Variants in PANK2 observed in about 807,000 individuals in gnomAD.
The protein encoded by PANK2 is pantothenate kinase 2, mitochondrial.
PANK2 carries 36 observed loss-of-function variants against 43.1 expected under a neutral mutation model. That is an observed-to-expected ratio of 0.84 (90% CI 0.64 to 1.10). The LOEUF is 1.10. Ranked by LOEUF, PANK2 falls within the 50% of genes least tolerant of loss-of-function variation. PANK2 has a pLI of 0.00. For synonymous variants in PANK2, 281 were observed against 238.2 expected, an observed-to-expected ratio of 1.18 and a Z score of -1.66; for missense variants, 576 against 593.3, an observed-to-expected ratio of 0.97 and a Z score of 0.30.
chr20:3,915,235 GTTTAT>G (rs141556314), intron 4 of PANK2, among the ~76,000 whole-genome samples: 78,270 of 151,318 alleles, frequency 0.52, 20,694 homozygotes, highest in East Asian at 0.66. Context: ...ATGAAGAATT[GTTTAT>G]TTTCTTTTAA....
At chr20:3,917,566 G>T (rs1386707318) in intron 5 of PANK2, 1 of 524,188 alleles carries the variant, frequency 1.9e-6, no homozygotes, top group Non-Finnish European at 4.0e-6. Context: ...GGCTATGAAA[G>T]AACCAAGAAT....
chr20:3,901,656 G>C, intron 1 of PANK2: 1 of 936,216 alleles, frequency 1.1e-6, no homozygotes, highest in Non-Finnish European at 1.3e-6. Flanking sequence ...TTTTGTAAAA[G>C]TCAGTACTTT....
chr20:3,890,565 A>G (rs1485477772), intron 1 of PANK2, among the ~76,000 whole-genome samples: 1 of 152,200 alleles, frequency 6.6e-6, no homozygotes, highest in Non-Finnish European at 1.5e-5. Flanking sequence ...TGATACTGTA[A>G]TATGAGCTTT....
At chr20:3,891,602 T>G (rs925627083) in intron 1 of PANK2, among the ~76,000 whole-genome samples, 1 of 152,226 alleles carries the variant, frequency 6.6e-6, no homozygotes, top group Non-Finnish European at 1.5e-5. Flanking sequence ...AGACCAAGCA[T>G]AAGTTTGATC....
At chr20:3,920,920 T>C (rs2090636635) in intron 6 of PANK2, among the ~76,000 whole-genome samples, 1 of 152,252 alleles carries the variant, frequency 6.6e-6, no homozygotes, top group African/African-American at 2.4e-5. Flanking sequence ...GGTTGCATTT[T>C]GTCCTTATTG....
At chr20:3,889,970 C>T (rs2090092611) in intron 1 of PANK2, 4 of 1,495,062 alleles carry the variant, frequency 2.7e-6, no homozygotes, top group Non-Finnish European at 3.6e-6. Flanking sequence ...AGGGCTTTTC[C>T]CCAGGACCTG....
chr20:3,889,752 C>G, intron 1 of PANK2, 24 bp downstream of exon 1: 5 of 1,550,820 alleles, frequency 3.2e-6, no homozygotes, highest in Non-Finnish European at 4.4e-6. Flanking sequence ...GGGGCGCCCT[C>G]CCGGCCCGCC....
chr20:3,889,947 C>G (rs1441528636), intron 1 of PANK2: 3 of 1,526,166 alleles, frequency 2.0e-6, no homozygotes, highest in Admixed American at 2.0e-5. Flanking sequence ...GCACTTCCCG[C>G]TTGTTGGAGT....
In PANK2 at chr20:3,923,321, A is replaced by T. The variant is rs761158597; in HGVS notation, c.*27A>T. ...CATTACCTGGGGAGGGGTTCCTGAA[A>T]CCTTCCACAATGGGATCTGTGGACT... On this transcript the variant is annotated 3_prime_UTR_variant, in exon 7 of 7. Transcript: ENST00000610179. The T allele has an allele frequency of 2.9e-5, 47 of 1,611,590 alleles. 1 individual carries two copies. The Admixed American group carries it at 7.8e-4, about 27-fold the overall frequency.
Position 3,917,003 on chromosome 20 carries a change from A to G in PANK2, c.1159A>G (p.Ile387Val), listed in dbSNP as rs1257510324. 1 of 1,614,134 alleles carries G rather than the reference A, an allele frequency of 6.2e-7. No homozygotes were observed. ...CCTGGCCAGAGCGACTTTGATCACC[A>G]TCACCAACAACATTGGCTCAATAGC... The change falls in exon 5 of 7, where the codon ATC (isoleucine) becomes GTC (valine). Residue 387 changes from isoleucine to valine, a missense_variant. Around this residue, in one of 2 missense-constraint regions of PANK2, gnomAD observed 544 missense variants for 528.9 expected, o/e 1.03. Transcript: ENST00000610179.
chr20:3,892,673 C>A (rs199928764), intron 1 of PANK2, among the ~76,000 whole-genome samples: 1,793 of 103,640 alleles, frequency 0.017, no homozygotes, highest in African/African-American at 0.021. Context: ...GACTCTGTCT[C>A]AAAAAAAAAA....
At chr20:3,913,760 G>A (rs985568894) in intron 4 of PANK2, among the ~76,000 whole-genome samples, 1 of 130,104 alleles carries the variant, frequency 7.7e-6, no homozygotes, top group South Asian at 2.7e-4. Context: ...TTGTATGTAT[G>A]CACACACACA....
intron 1 of PANK2, among the ~76,000 whole-genome samples, chr20:3,895,400 T>C (rs1335900953): frequency 6.6e-6 from 1 of 151,808 alleles, no homozygotes; most frequent in African/African-American, 2.4e-5. Flanking sequence ...GGAGGATTGC[T>C]TGAGCCCGGA....
rs904177567 is a variant in PANK2 at position 3,925,987 on chromosome 20, G to A, written c.*2693G>A. On this transcript the variant is annotated 3_prime_UTR_variant, in exon 7 of 7. Transcript: ENST00000610179. Reference sequence around the variant, plus strand: ...GCCCTCCACTAGTGGCCATGAAGGGGGCTGTGACCGTGGTCCAGGTGAGAA... The same window carrying A: ...GCCCTCCACTAGTGGCCATGAAGGGAGCTGTGACCGTGGTCCAGGTGAGAA... 6.6e-6 allele frequency: 1 copy of A among 152,342 alleles called. No homozygotes were observed. The highest frequency in any genetic ancestry group is 1.5e-5 in the Non-Finnish European group (1 of 68,168). 9.4% of individuals were successfully genotyped at this position (152,342 alleles called of 1,614,324 possible).
chr20:3,893,909 GTTTT>G (rs1037817458), intron 1 of PANK2, among the ~76,000 whole-genome samples: 11 of 132,472 alleles, frequency 8.3e-5, no homozygotes, highest in Non-Finnish European at 1.6e-4. Flanking sequence ...CAAGATGGGA[GTTTT>G]TTTTTTGTTT....
chr20:3,889,848 C>A, intron 1 of PANK2, 120 bp downstream of exon 1: 1 of 1,534,606 alleles, frequency 6.5e-7, no homozygotes, highest in Non-Finnish European at 8.7e-7. Flanking sequence ...CACGGTGGTC[C>A]CTCGTTGGTG....
Position 3,913,603 on chromosome 20 carries a change from A to C in PANK2, c.1082+969A>C, listed in dbSNP as rs562163588. Among the ~76,000 whole-genome samples the C allele has an allele frequency of 3.3e-5, 5 of 151,286 alleles. No homozygotes were observed. In the South Asian group the frequency reaches 8.3e-4, roughly 25 times the overall value. On this transcript the variant is annotated intron_variant, in intron 4 of 6. Coordinates refer to ENST00000610179, the MANE Select transcript of PANK2 (RefSeq NM_001386393.1). ...TGCCGCCTCAGCCTCCCAAAGTGCT[A>C]GGATTACAGGTGTGAGCCACCGCGC...
intron 1 of PANK2, among the ~76,000 whole-genome samples, chr20:3,899,853 A>G (rs6076567): frequency 1 from 151,625 of 151,630 alleles, 75,810 homozygotes; most frequent in Middle Eastern, 1. Context: ...GACCACAGGC[A>G]CCTGCCACCA....
At position 3,889,452 on chromosome 20, in the gene PANK2, C is replaced by A. The variant is rs1218303585; in HGVS notation, c.22C>A (p.Gln8Lys). 1 of 1,549,306 alleles carries A rather than the reference C, an allele frequency of 6.5e-7. No individual in the cohort carries two copies. The highest frequency in any genetic ancestry group is 1.9e-5 in the Admixed American group (1 of 52,326). Reference sequence around the variant, plus strand: ...GACGCTGGGGGGCTTGCTCGGGCGGCAGCGACTGCTGCTGCGGATGGGAGG... The same window carrying A: ...GACGCTGGGGGGCTTGCTCGGGCGGAAGCGACTGCTGCTGCGGATGGGAGG... The change falls in exon 1 of 7, where the codon CAG becomes AAG. Residue 8 changes from glutamine to lysine, a missense_variant. Gln to Lys is a moderately conservative substitution (Grantham distance 53). Around this residue, in one of 2 missense-constraint regions of PANK2, gnomAD observed 544 missense variants for 528.9 expected, o/e 1.03. Transcript: ENST00000610179.
Sources: allele counts gnomAD v4.1 joint callset (sites outside exome capture counted in the v4.1 genomes callset), GRCh38; gene constraint gnomAD v4.1.1; regional missense constraint gnomAD v4.1.1; transcripts MANE v1.5; gene names NCBI Gene and HGNC (gene_info 2026-07-23, HGNC 2026-07-21).